Variants in CCDC149 observed in about 807,000 individuals in gnomAD.
The protein encoded by CCDC149 is coiled-coil domain containing 149, also known as coiled-coil domain-containing protein 149.
In CCDC149, 45 loss-of-function variants were observed where a neutral mutation model predicts 59.9. The observed-to-expected ratio is 0.75, with a 90% CI of 0.59 to 0.96. The LOEUF (loss-of-function observed/expected upper bound fraction) is 0.96. CCDC149 is among the 40% of genes least tolerant of loss of function. CCDC149 has a pLI of 0.00. For synonymous variants in CCDC149, 245 were observed against 260.6 expected, an observed-to-expected ratio of 0.94 and a Z score of 0.58; for missense variants, 584 against 664.7, an observed-to-expected ratio of 0.88 and a Z score of 1.33.
At chr4:24,906,543 C>T (rs1721546355) in intron 1 of CCDC149, among the ~76,000 whole-genome samples, 1 of 151,770 alleles carries the variant, frequency 6.6e-6, no homozygotes. Flanking sequence ...GGATTACAGG[C>T]ACATCCACTA....
At chr4:24,943,306 G>A (rs1459015250) in intron 1 of CCDC149, among the ~76,000 whole-genome samples, 2 of 151,890 alleles carry the variant, frequency 1.3e-5, no homozygotes, top group African/African-American at 2.4e-5. Flanking sequence ...AGAAAAACAA[G>A]CAATGGGGAA....
chr4:24,930,163 T>C (rs1465577928), intron 1 of CCDC149, among the ~76,000 whole-genome samples: 3 of 152,222 alleles, frequency 2.0e-5, no homozygotes, highest in Non-Finnish European at 4.4e-5. Context: ...AAATGATGTG[T>C]GCCACTTTTA....
intron 12 of CCDC149, among the ~76,000 whole-genome samples, chr4:24,813,525 T>TATATATATATATATATATATAA (rs1252452441): frequency 1.2e-5 from 1 of 83,002 alleles, no homozygotes; most frequent in Non-Finnish European, 2.6e-5. Context: ...TATATATATA[T>TATATATATATATATATATATAA]ATAAAACCTA....
At chr4:24,831,974 A>AT (rs1305441570) in intron 8 of CCDC149, among the ~76,000 whole-genome samples, 5 of 152,182 alleles carry the variant, frequency 3.3e-5, no homozygotes, top group African/African-American at 7.2e-5. Flanking sequence ...TGAAATATTG[A>AT]TTTTTTTCCA....
chr4:24,850,194 C>G (rs879822907), intron 4 of CCDC149, among the ~76,000 whole-genome samples: 15 of 151,792 alleles, frequency 9.9e-5, no homozygotes, highest in Admixed American at 7.2e-4. Flanking sequence ...TCCCTTTATT[C>G]ATTCATTTCA....
rs534474975 is a variant in CCDC149 at position 24,842,427 on chromosome 4, G to C, written c.373-4155C>G. Among the ~76,000 whole-genome samples, 4 of 152,242 alleles carry C rather than the reference G, an allele frequency of 2.6e-5. No individual in the cohort carries two copies. The East Asian group carries it at 7.7e-4, about 29-fold the overall frequency. The stretch of plus-strand genomic sequence containing the variant: ...ATGTTGATTTTCCACCTTGGAAAAT[G>C]GCTATGAAGCAACCGCTCAGGACAC... On this transcript the variant is annotated intron_variant, in intron 4 of 12. Transcript: ENST00000635206.
intron 4 of CCDC149, among the ~76,000 whole-genome samples, chr4:24,852,519 A>G (rs1187332303): frequency 1.3e-5 from 2 of 152,192 alleles, no homozygotes. Context: ...GAGAGAGTGC[A>G]CACATTTAGT....
chr4:24,918,157 A>G (rs779298258), intron 1 of CCDC149, among the ~76,000 whole-genome samples: 2 of 152,182 alleles, frequency 1.3e-5, no homozygotes, highest in South Asian at 2.1e-4. Flanking sequence ...ATGGGTGGAA[A>G]AGGAGAAAAA....
At chr4:24,812,643 T>C (rs544738853) in intron 12 of CCDC149, among the ~76,000 whole-genome samples, 3 of 152,338 alleles carry the variant, frequency 2.0e-5, no homozygotes, top group South Asian at 2.1e-4. Context: ...TCTGTTTTCA[T>C]GCTGCCAATA....
rs1328238369 is a variant in CCDC149, at chr4:24,935,589, C to T, written c.-64-40471G>A. 3.9e-5 allele frequency among the ~76,000 whole-genome samples: 6 copies of T among 152,130 alleles called. No individual in the cohort carries two copies. In the East Asian group the frequency reaches 1.2e-3, roughly 29 times the overall value. On this transcript the variant is annotated intron_variant, in intron 1 of 12. Coordinates refer to the CCDC149 transcript ENST00000389609. ...AGAGACCCCAGAAAGCTCCCTTGCC[C>T]CTTCCATCACGTGAGGACCGAGTGT... is the stretch of plus-strand genomic sequence containing the variant.
chr4:24,942,601 C>T (rs970094156), intron 1 of CCDC149, among the ~76,000 whole-genome samples: 2 of 152,182 alleles, frequency 1.3e-5, no homozygotes, highest in African/African-American at 2.4e-5. Flanking sequence ...AATAGGAAGT[C>T]GAATTGTCCC....
At chr4:24,842,039 A>G (rs911734682) in intron 4 of CCDC149, among the ~76,000 whole-genome samples, 6 of 152,202 alleles carry the variant, frequency 3.9e-5, no homozygotes, top group Non-Finnish European at 8.8e-5. Context: ...CTATTTTTAC[A>G]TAATACCGCT....
chr4:24,842,629 G>A (rs1717007567), intron 4 of CCDC149, among the ~76,000 whole-genome samples: 2 of 152,178 alleles, frequency 1.3e-5, no homozygotes, highest in Admixed American at 6.5e-5. Context: ...GTCAGCTTGC[G>A]GATGAGGTGC....
At chr4:24,910,684 G>T (rs951185640) in intron 1 of CCDC149, among the ~76,000 whole-genome samples, 1 of 152,160 alleles carries the variant, frequency 6.6e-6, no homozygotes, top group African/African-American at 2.4e-5. Flanking sequence ...GATTAAAATA[G>T]CAAGTGTGGC....
intron 1 of CCDC149, among the ~76,000 whole-genome samples, chr4:24,894,744 C>T (rs1339052257): frequency 1.3e-5 from 2 of 151,574 alleles, no homozygotes; most frequent in Non-Finnish European, 2.9e-5. Context: ...TTCGAACATA[C>T]ACAGCAATGG....
At chr4:24,835,055 TA>T in intron 7 of CCDC149, 23 bp from the exon 8 acceptor site, 1 of 1,571,822 alleles carries the variant, frequency 6.4e-7, no homozygotes, top group Non-Finnish European at 8.7e-7. Flanking sequence ...TGGGAGAGAA[TA>T]AAAACCCGTC....
At chr4:24,966,850 T>C (rs1484100334) in intron 1 of CCDC149, among the ~76,000 whole-genome samples, 1 of 152,170 alleles carries the variant, frequency 6.6e-6, no homozygotes, top group African/African-American at 2.4e-5. Flanking sequence ...CCAAAGTGCC[T>C]AGCTTTGGGG....
At chr4:24,921,733 G>A (rs575955025) in intron 1 of CCDC149, among the ~76,000 whole-genome samples, 3 of 152,330 alleles carry the variant, frequency 2.0e-5, no homozygotes, top group South Asian at 2.1e-4. Flanking sequence ...AATTACCCAC[G>A]TATGTGAAGG....
At chr4:24,843,696 C>T (rs974104955) in intron 4 of CCDC149, among the ~76,000 whole-genome samples, 2 of 152,164 alleles carry the variant, frequency 1.3e-5, no homozygotes, top group Admixed American at 6.5e-5. Context: ...AGTGTGTATA[C>T]GGATGTCTCC....
Sources: gnomAD v4.1 joint callset for allele counts (sites outside exome capture counted in the v4.1 genomes callset) on GRCh38, gnomAD v4.1.1 for gene constraint, MANE v1.5 for transcripts, NCBI Gene and HGNC (gene_info 2026-07-23, HGNC 2026-07-21) for gene names.